CASZ1: variants seen among roughly 807,000 people sequenced by gnomAD.
CASZ1 encodes the protein zinc finger protein castor homolog 1.
A neutral mutation model predicts 135.2 loss-of-function variants in CASZ1; 28 were observed. That is an observed-to-expected ratio of 0.21 (90% confidence interval 0.15 to 0.28). The LOEUF (loss-of-function observed/expected upper bound fraction) is 0.28, where lower values mean the gene tolerates loss of function less well. CASZ1 is among the 10% of genes least tolerant of loss of function. The probability of loss-of-function intolerance (pLI) is 1.00; values close to 1 mark genes in which losing one functional copy is unlikely to be tolerated. For synonymous variants in CASZ1, 1,068 were observed against 1,073.4 expected (o/e 0.99, Z 0.10); for missense variants, 2,161 against 2,453.3 (o/e 0.88, Z 2.52).
intron 2 of CASZ1, among the ~76,000 whole-genome samples, chr1:10,718,021 C>T (rs570053842): frequency 1.3e-5 from 2 of 152,242 alleles, no homozygotes; most frequent in Non-Finnish European, 2.9e-5. Flanking sequence ...CTCAGCAAAG[C>T]CTGACTTCAC....
rs748640844 is a variant in CASZ1, at chr1:10,659,966, A to G, written c.1076T>C (p.Met359Thr). ...LFKPGEGSPD[M>T]GGAIAFKTGK... ...TGTCTTGAAGGCGATGGCCCCGCCC[A>G]TGTCGGGGCTGCCCTCCCCGGGTTT... The change falls in exon 6 of 21, where the codon ATG becomes ACG. Residue 359 changes from methionine to threonine, a missense_variant. Met to Thr is a moderately conservative substitution (Grantham distance 81). Transcript: ENST00000377022. The G allele has an allele frequency of 3.1e-6, 5 of 1,613,202 alleles. No homozygotes were observed. Among genetic ancestry groups the G allele is most frequent in the Non-Finnish European group, 4.2e-6 (5 of 1,179,970 alleles).
intron 12 of CASZ1, 75 bp from the exon 13 acceptor site, chr1:10,650,830 A>T (rs1642548806): frequency 6.3e-7 from 1 of 1,598,180 alleles, no homozygotes; most frequent in Non-Finnish European, 8.6e-7. Flanking sequence ...TCCCTGCCCG[A>T]CCCTGGGGCT....
At chr1:10,793,172 T>G (rs1433711190) in intron 1 of CASZ1, among the ~76,000 whole-genome samples, 4 of 152,076 alleles carry the variant, frequency 2.6e-5, no homozygotes, top group Non-Finnish European at 5.9e-5. Flanking sequence ...ACTTTCTTAT[T>G]TTTTTAAACA....
In CASZ1 at chr1:10,653,825, G is replaced by C. The variant is rs1443600031; in HGVS notation, c.2232C>G (p.Ser744Arg). The change falls in exon 11 of 21, where the codon AGC becomes AGG. Residue 744 changes from serine to arginine, a missense_variant. By Grantham distance (110) the Ser-to-Arg change is moderately radical (BLOSUM62 -1). Around this residue, in one of 7 missense-constraint regions of CASZ1, gnomAD observed 406 missense variants for 387.6 expected, o/e 1.05. Coordinates refer to ENST00000377022, the MANE Select transcript of CASZ1 (RefSeq NM_001079843.3). ...KNSSLSASPT[S>R]QQSSASLAAA... is the part of the protein sequence containing the mutation. ...CAGCCAGGGACGCAGAGGACTGCTG[G>C]CTGGTAGGGGAGGCGCTCAGGCTGG... 2 of 1,608,720 alleles carry C rather than the reference G, an allele frequency of 1.2e-6. No individual in the cohort carries two copies. The highest frequency in any genetic ancestry group is 1.7e-6 in the Non-Finnish European group (2 of 1,176,654).
At chr1:10,660,934 A>C in intron 5 of CASZ1, 3 of 218,198 alleles carry the variant, frequency 1.4e-5, no homozygotes, top group Non-Finnish European at 1.8e-5. Flanking sequence ...AGCGGCAAGA[A>C]CCGGGGACAG....
intron 2 of CASZ1, among the ~76,000 whole-genome samples, chr1:10,718,400 A>G (rs893109391): frequency 7.2e-5 from 11 of 152,214 alleles, no homozygotes; most frequent in African/African-American, 2.4e-4. Context: ...AGCAGCTACA[A>G]TCATATTAAA....
At chr1:10,723,402 C>T (rs991708660) in intron 2 of CASZ1, among the ~76,000 whole-genome samples, 2 of 152,204 alleles carry the variant, frequency 1.3e-5, no homozygotes, top group Non-Finnish European at 2.9e-5. Context: ...TTTAGAGCCC[C>T]TTTAAAACCA....
chr1:10,651,835 T>C (rs1245032475), intron 11 of CASZ1: 2 of 151,248 alleles, frequency 1.3e-5, no homozygotes, highest in Non-Finnish European at 2.9e-5. Flanking sequence ...TATTAAAAAA[T>C]AAAACGGCCC....
At chr1:10,685,833 C>A (rs1361123952) in intron 4 of CASZ1, among the ~76,000 whole-genome samples, 4 of 152,242 alleles carry the variant, frequency 2.6e-5, no homozygotes, top group African/African-American at 9.6e-5. Flanking sequence ...CTGGGGATAC[C>A]CAGGAAGCTC....
At position 10,639,342 on chromosome 1, in the gene CASZ1, C is replaced by G. The variant is rs745927699; in HGVS notation, c.4880G>C (p.Gly1627Ala). 83 of 1,503,674 alleles carry G rather than the reference C, an allele frequency of 5.5e-5. No individual in the cohort carries two copies. The African/African-American group carries it at 1.1e-3, about 19-fold the overall frequency. The allele number at this position is 1,503,674 out of a possible 1,614,324, so 93.1% of individuals were successfully genotyped here. A position where few individuals can be genotyped will look rare whatever the true frequency, so the allele number is the denominator to read the frequency against. The change falls in exon 21 of 21, where the codon GGC becomes GCC. Residue 1627 changes from glycine (G) to alanine (A), a missense_variant. Gly to Ala is a moderately conservative substitution (Grantham distance 60, BLOSUM62 0). This residue lies in a region of CASZ1 where 240 missense variants were observed against 321.4 expected (regional missense o/e 0.75). Coordinates refer to ENST00000377022, the MANE Select transcript of CASZ1 (RefSeq NM_001079843.3). The surrounding 1 kb of genome is among the most constrained non-coding windows in gnomAD (Gnocchi z 4.0). The part of the protein sequence containing the change: ...DGSLSLGAEP[G>A]SLLFLQSAAA... ...CGCCGACTGCAGGAAGAGCAGCGAGCCCGGCTCGGCGCCCAGCGACAGGGA... is the reference window on the plus strand; with the variant it reads ...CGCCGACTGCAGGAAGAGCAGCGAGGCCGGCTCGGCGCCCAGCGACAGGGA...
Position 10,788,344 on chromosome 1 carries a change from G to C in CASZ1, c.-234+8220C>G, listed in dbSNP as rs978624635. ...CTCCCAGTGCAGAGGCAGGCAGGTG[G>C]GAGTAGTGGTGGGGACCGATCTTGC... On this transcript the variant is annotated intron_variant, in intron 1 of 20. Transcript: ENST00000377022. The surrounding 1 kb of genome is among the most constrained non-coding windows in gnomAD (Gnocchi z 4.1). Among the ~76,000 whole-genome samples, 35 of 152,154 alleles carry C rather than the reference G, an allele frequency of 2.3e-4. No homozygotes were observed. The highest frequency in any genetic ancestry group is 8.2e-4 in the African/African-American group (34 of 41,430).
At position 10,694,224 on chromosome 1, in the gene CASZ1, A is replaced by ACCGCGCC; in HGVS notation, c.-23-319_-23-313dup. ...GCCCAGGGGCGCCCCCGTCCCGCCG[A>ACCGCGCC]CCGCGCCCCGCGCCCGGGTCGCCGC... On this transcript the variant is annotated intron_variant, in intron 3 of 20. Transcript: ENST00000377022. The surrounding 1 kb of genome is among the most constrained non-coding windows in gnomAD (Gnocchi z 6.6). 1.7e-6 allele frequency: 1 copy of ACCGCGCC among 596,500 alleles called. No homozygotes were observed. Among genetic ancestry groups the ACCGCGCC allele is most frequent in the Middle Eastern group, 5.3e-4 (1 of 1,876 alleles). 37.0% of individuals were successfully genotyped at this position (596,500 alleles called of 1,614,324 possible).
At chr1:10,718,626 G>C (rs1157724555) in intron 2 of CASZ1, among the ~76,000 whole-genome samples, 1 of 152,226 alleles carries the variant, frequency 6.6e-6, no homozygotes, top group African/African-American at 2.4e-5. Flanking sequence ...GGTGGGAAAG[G>C]AACAGGCTGG....
In CASZ1 at chr1:10,759,165, C is replaced by A. The variant is rs564404850; in HGVS notation, c.-77+1536G>T. ...GAGGGGGCTCTGCAGGCACTCACAGCCTCTTCATGGGCAGGGCACAGGGCA... is the reference window on the plus strand; with the variant it reads ...GAGGGGGCTCTGCAGGCACTCACAGACTCTTCATGGGCAGGGCACAGGGCA... On this transcript the variant is annotated intron_variant, in intron 2 of 20. Coordinates refer to ENST00000377022, the MANE Select transcript of CASZ1 (RefSeq NM_001079843.3). This position sits in a 1 kb window ranked among gnomAD's most constrained non-coding sequence, Gnocchi z 4.2. Among the ~76,000 whole-genome samples the A allele has an allele frequency of 6.6e-6, 1 of 152,220 alleles. No individual in the cohort carries two copies. The highest frequency in any genetic ancestry group is 6.5e-5 in the Admixed American group (1 of 15,286).
chr1:10,682,989 C>T (rs565019243), intron 4 of CASZ1, among the ~76,000 whole-genome samples: 6 of 152,262 alleles, frequency 3.9e-5, no homozygotes, highest in Non-Finnish European at 5.9e-5. Context: ...TCTAACTCTG[C>T]GGGTACGCAA....
At chr1:10,737,490 G>A (rs997079858) in intron 2 of CASZ1, among the ~76,000 whole-genome samples, 1 of 152,254 alleles carries the variant, frequency 6.6e-6, no homozygotes, top group African/African-American at 2.4e-5. Context: ...GGTTTCCCTA[G>A]GACTCCAGCC....
chr1:10,641,720 G>A (rs937426750), intron 20 of CASZ1, among the ~76,000 whole-genome samples: 2 of 152,218 alleles, frequency 1.3e-5, no homozygotes, highest in East Asian at 3.9e-4. Flanking sequence ...GCCCCAGGCC[G>A]AGGAAGGCAG....
In CASZ1 at chr1:10,717,945, G is replaced by T. The variant is rs1036666934; in HGVS notation, c.-76-12401C>A. On this transcript the variant is annotated intron_variant, in intron 2 of 20. Coordinates refer to ENST00000377022, the MANE Select transcript of CASZ1 (RefSeq NM_001079843.3). This position sits in a 1 kb window ranked among gnomAD's most constrained non-coding sequence, Gnocchi z 4.6. Reference sequence around the variant, plus strand: ...TGCGAGCACGCCTGGTCGCCTCAGCGACCAAAGCGGGTGCAGGGACGGGCC... The same window carrying T: ...TGCGAGCACGCCTGGTCGCCTCAGCTACCAAAGCGGGTGCAGGGACGGGCC... Among the ~76,000 whole-genome samples the T allele has an allele frequency of 1.3e-5, 2 of 152,250 alleles. No homozygotes were observed. The highest frequency in any genetic ancestry group is 4.8e-5 in the African/African-American group (2 of 41,472).
At chr1:10,648,332 G>A (rs756599688) in intron 15 of CASZ1, 193 bp from the exon 16 acceptor site, 16 of 521,770 alleles carry the variant, frequency 3.1e-5, no homozygotes, top group South Asian at 2.9e-4. Context: ...CCCTGGTTCC[G>A]AACTTGGTCT....
Sources: gnomAD v4.1 joint callset for allele counts (sites outside exome capture counted in the v4.1 genomes callset) on GRCh38, gnomAD v4.1.1 for gene constraint, gnomAD v4.1.1 regional missense constraint, Gnocchi (gnomAD v3.1) non-coding constraint, MANE v1.5 for transcripts, NCBI Gene and HGNC (gene_info 2026-07-23, HGNC 2026-07-21) for gene names.